The following GLRB variants were observed in gnomAD, a reference collection of about 807,000 sequenced individuals.
GLRB encodes the protein glycine receptor beta.
Under a neutral mutation model 54.2 loss-of-function variants are expected in GLRB, and 33 were observed. The ratio of observed to expected loss-of-function variants is 0.61; its 90% CI spans 0.46 to 0.81. GLRB has a LOEUF of 0.81. Among genes scored for constraint, GLRB ranks in the 40% least tolerant of loss-of-function variants. GLRB has a pLI of 0.00. For missense variants in GLRB, 572 were observed against 584.6 expected (o/e 0.98, Z 0.22); for synonymous variants, 209 against 208.2 (o/e 1.00, Z -0.03).
intron 2 of GLRB, among the ~76,000 whole-genome samples, chr4:157,118,709 G>T (rs1019323299): frequency 2.1e-4 from 32 of 151,382 alleles, no homozygotes; most frequent in Non-Finnish European, 3.8e-4. Flanking sequence ...CACCTACAAT[G>T]GTTGCCTCTT....
chr4:157,120,698 T>C (rs1281563488), intron 3 of GLRB, 36 bp downstream of exon 3: 1 of 973,388 alleles, frequency 1.0e-6, no homozygotes, highest in Non-Finnish European at 1.6e-6. Flanking sequence ...ATTTTTATTG[T>C]TTAAAAATTA....
intron 2 of GLRB, among the ~76,000 whole-genome samples, chr4:157,092,110 T>C (rs1162192555): frequency 6.6e-6 from 1 of 152,248 alleles, no homozygotes; most frequent in East Asian, 1.9e-4. Context: ...ATAATTCTTT[T>C]TGGGATAAGT....
At chr4:157,167,865 G>C (rs1737771186) in intron 9 of GLRB, among the ~76,000 whole-genome samples, 1 of 152,258 alleles carries the variant, frequency 6.6e-6, no homozygotes, top group Non-Finnish European at 1.5e-5. Context: ...CAGGAAAGCT[G>C]GCATGTCAGA....
intron 8 of GLRB, among the ~76,000 whole-genome samples, chr4:157,152,206 G>T (rs894225906): frequency 1.2e-4 from 18 of 152,164 alleles, no homozygotes; most frequent in African/African-American, 3.9e-4. Context: ...CCCTAAACAG[G>T]AATATTTCCT....
At chr4:157,150,031 T>C (rs1481561167) in intron 8 of GLRB, among the ~76,000 whole-genome samples, 1 of 152,100 alleles carries the variant, frequency 6.6e-6, no homozygotes, top group Non-Finnish European at 1.5e-5. Context: ...GGTTACTGTA[T>C]ATATCTTGAA....
At position 157,079,019 on chromosome 4, in the gene GLRB, T is replaced by C. The variant is rs555993029; in HGVS notation, c.122+873T>C. ...CAACTCCTGACCCTGGGTGATCTGC[T>C]CGCCTTGGCATCCCAAAGTGCTGGG... On this transcript the variant is annotated intron_variant, in intron 2 of 9. Coordinates refer to ENST00000264428, the MANE Select transcript of GLRB (RefSeq NM_000824.5). Among the ~76,000 whole-genome samples, 14 of 152,266 alleles carry C rather than the reference T, an allele frequency of 9.2e-5. No individual in the cohort carries two copies. The South Asian group carries it at 2.9e-3, about 32-fold the overall frequency.
intron 7 of GLRB, among the ~76,000 whole-genome samples, chr4:157,141,005 GA>G (rs1165074139): frequency 1.3e-5 from 2 of 151,694 alleles, no homozygotes; most frequent in Non-Finnish European, 3.0e-5. Context: ...GTGAATAAAA[GA>G]AAGGTCCCTG....
At chr4:157,089,217 T>A (rs1341657649) in intron 2 of GLRB, among the ~76,000 whole-genome samples, 2 of 151,840 alleles carry the variant, frequency 1.3e-5, no homozygotes, top group Non-Finnish European at 2.9e-5. Flanking sequence ...TAGTGAGACC[T>A]TGTCTCTACA....
At position 157,104,679 on chromosome 4, in the gene GLRB, T is replaced by C. The variant is rs1303524977; in HGVS notation, c.123-15877T>C. On this transcript the variant is annotated intron_variant, in intron 2 of 9. Coordinates refer to ENST00000264428, the MANE Select transcript of GLRB (RefSeq NM_000824.5). ...GATTGAATTTGCCAGTGAAACCATC[T>C]GGTCCTAGGCTTTTCTTTGTTGGGA... Among the ~76,000 whole-genome samples the C allele has an allele frequency of 3.9e-5, 6 of 152,208 alleles. No individual in the cohort carries two copies. In the East Asian group the frequency reaches 9.6e-4, roughly 24 times the overall value.
At chr4:157,093,720 A>C (rs1313485021) in intron 2 of GLRB, among the ~76,000 whole-genome samples, 1 of 140,704 alleles carries the variant, frequency 7.1e-6, no homozygotes, top group African/African-American at 2.7e-5. Context: ...GTGCCACTGC[A>C]CTCCAGGCTG....
chr4:157,130,237 T>A (rs552221032), intron 4 of GLRB, among the ~76,000 whole-genome samples: 1 of 151,788 alleles, frequency 6.6e-6, no homozygotes, highest in African/African-American at 2.4e-5. Flanking sequence ...TTTGCTGTAA[T>A]CTTCAGTGGC....
chr4:157,157,358 C>T (rs1737272621), intron 9 of GLRB, among the ~76,000 whole-genome samples: 3 of 152,022 alleles, frequency 2.0e-5, no homozygotes, highest in South Asian at 4.2e-4. Context: ...TTAATTATTA[C>T]ACTTTAAATT....
intron 2 of GLRB, among the ~76,000 whole-genome samples, chr4:157,101,633 T>G (rs2126481894): frequency 6.6e-6 from 1 of 152,110 alleles, no homozygotes; most frequent in South Asian, 2.1e-4. Flanking sequence ...GAAATTGGGG[T>G]TAACTTTTTC....
chr4:157,148,666 T>C (rs891230462), intron 8 of GLRB, among the ~76,000 whole-genome samples: 14 of 152,298 alleles, frequency 9.2e-5, no homozygotes, highest in Non-Finnish European at 1.5e-4. Flanking sequence ...CTGAATATGA[T>C]TGCTTTCTAA....
At chr4:157,160,072 G>T (rs1737413183) in intron 9 of GLRB, among the ~76,000 whole-genome samples, 1 of 152,142 alleles carries the variant, frequency 6.6e-6, no homozygotes, top group African/African-American at 2.4e-5. Flanking sequence ...GAGGGTGTGT[G>T]TGTCGAGGAA....
At chr4:157,107,878 A>C (rs985035886) in intron 2 of GLRB, among the ~76,000 whole-genome samples, 1 of 151,966 alleles carries the variant, frequency 6.6e-6, no homozygotes, top group African/African-American at 2.4e-5. Flanking sequence ...ACAGGCTAAC[A>C]CTCTTGTTAA....
intron 2 of GLRB, among the ~76,000 whole-genome samples, chr4:157,101,876 A>C (rs1735044274): frequency 6.8e-6 from 1 of 147,420 alleles, no homozygotes; most frequent in Admixed American, 6.8e-5. Context: ...GTATTTTATT[A>C]ATTTTTAAAG....
At position 157,166,632 on chromosome 4, in the gene GLRB, C is replaced by T. The variant is rs557064142; in HGVS notation, c.1198-3800C>T. 7.7e-4 allele frequency among the ~76,000 whole-genome samples: 117 copies of T among 152,074 alleles called. 1 individual carries two copies. Among genetic ancestry groups the T allele is most frequent in the African/African-American group, 2.7e-3 (113 of 41,510 alleles). On this transcript the variant is annotated intron_variant, in intron 9 of 9. Coordinates refer to ENST00000264428, the MANE Select transcript of GLRB (RefSeq NM_000824.5). ...TCTGTAATAGAGGTTCCGTCCACCCCACATGTGCACCTCTACTTATTCTTG... is the reference window on the plus strand; with the variant it reads ...TCTGTAATAGAGGTTCCGTCCACCCTACATGTGCACCTCTACTTATTCTTG...
At chr4:157,166,501 C>A (rs1172831585) in intron 9 of GLRB, among the ~76,000 whole-genome samples, 3 of 152,048 alleles carry the variant, frequency 2.0e-5, no homozygotes, top group African/African-American at 7.2e-5. Flanking sequence ...AGGAGACTAG[C>A]CAACTACTTA....
Sources: allele counts gnomAD v4.1 joint callset (sites outside exome capture counted in the v4.1 genomes callset), GRCh38; gene constraint gnomAD v4.1.1; transcripts MANE v1.5; gene names NCBI Gene and HGNC (gene_info 2026-07-23, HGNC 2026-07-21).